NFATC2: variants seen among roughly 807,000 people sequenced by gnomAD.
NFATC2 encodes nuclear factor of activated T-cells, cytoplasmic 2.
A neutral mutation model predicts 87.3 loss-of-function variants in NFATC2; 22 were observed. The ratio of observed to expected loss-of-function variants is 0.25; its 90% CI spans 0.18 to 0.36. The LOEUF (loss-of-function observed/expected upper bound fraction) is 0.36, where lower values mean the gene tolerates loss of function less well. Among genes scored for constraint, NFATC2 ranks in the 10% least tolerant of loss-of-function variants. NFATC2 has a pLI of 1.00. For synonymous variants in NFATC2, 565 were observed against 542.2 expected, an observed-to-expected ratio of 1.04 and a Z score of -0.58; for missense variants, 1,149 against 1,259.1, an observed-to-expected ratio of 0.91 and a Z score of 1.32.
chr20:51,398,869 C>CTGCAACATCTTAGCATT, intron 9 of NFATC2, 139 bp from the exon 10 acceptor site: 1 of 642,516 alleles, frequency 1.6e-6, no homozygotes, highest in South Asian at 1.8e-5. Context: ...AGCCAGAATT[C>CTGCAACATCTTAGCATT]TGCAACATCT....
At chr20:51,558,062 C>T (rs748124954) in intron 1 of NFATC2, among the ~76,000 whole-genome samples, 7 of 152,130 alleles carry the variant, frequency 4.6e-5, no homozygotes, top group Non-Finnish European at 1.0e-4. Context: ...GGAACCTGGC[C>T]GGCCATGGTA....
At chr20:51,543,975 A>ATTTATTTTT (rs774804203), upstream of NFATC2, among the ~76,000 whole-genome samples, 3 of 72,978 alleles carry the variant, frequency 4.1e-5, no homozygotes, top group Admixed American at 2.0e-4. Flanking sequence ...AGAATTCCTA[A>ATTTATTTTT]TTTTTTTTTT....
At chr20:51,431,394 C>G (rs1305108779) in intron 9 of NFATC2, among the ~76,000 whole-genome samples, 1 of 152,170 alleles carries the variant, frequency 6.6e-6, no homozygotes, top group Non-Finnish European at 1.5e-5. Flanking sequence ...GGGCAGACCC[C>G]TTGCCCACAA....
chr20:51,514,002 T>C (rs1233096160), intron 3 of NFATC2, among the ~76,000 whole-genome samples: 3 of 152,256 alleles, frequency 2.0e-5, no homozygotes, highest in African/African-American at 7.2e-5. Flanking sequence ...AGCCATAACC[T>C]TGAACAAGTC....
intron 9 of NFATC2, among the ~76,000 whole-genome samples, chr20:51,428,600 G>T (rs117215398): frequency 1.3e-5 from 2 of 152,152 alleles, no homozygotes; most frequent in Non-Finnish European, 2.9e-5. Flanking sequence ...CAGACGCGAC[G>T]CTGGGATCAC....
intron 1 of NFATC2, among the ~76,000 whole-genome samples, chr20:51,551,637 T>C (rs1415891576): frequency 4.0e-5 from 6 of 151,382 alleles, no homozygotes; most frequent in Admixed American, 2.6e-4. Flanking sequence ...CTCGAACTCC[T>C]GGGCTCAAGC....
rs916800941 is a variant in NFATC2, at chr20:51,437,626, T to C, written c.1850-1865A>G. On this transcript the variant is annotated intron_variant, in intron 6 of 10. Transcript: ENST00000371564. The stretch of plus-strand genomic sequence containing the variant: ...AGTATTGTGATTGCTCTCTAGATGA[T>C]CTTAACAAGGAACACGCAATGAACA... Among the ~76,000 whole-genome samples, 6 of 152,140 alleles carry C rather than the reference T, an allele frequency of 3.9e-5. No homozygotes were observed. In the South Asian group the frequency reaches 1.2e-3, roughly 32 times the overall value.
At chr20:51,394,600 C>T (rs77942466) in intron 10 of NFATC2, among the ~76,000 whole-genome samples, 2 of 151,952 alleles carry the variant, frequency 1.3e-5, no homozygotes, top group African/African-American at 4.9e-5. Flanking sequence ...TCCTTCCCCC[C>T]ATATCCCTTA....
chr20:51,465,499 C>A lies in NFATC2; in HGVS notation c.1708+8481G>T, dbSNP rs570001522. Among the ~76,000 whole-genome samples, 416 of 152,218 alleles carry A rather than the reference C, an allele frequency of 2.7e-3. 4 individuals carry two copies. The highest frequency in any genetic ancestry group is 9.7e-3 in the African/African-American group (404 of 41,542). On this transcript the variant is annotated intron_variant, in intron 5 of 10. Coordinates refer to ENST00000371564, the MANE Select transcript of NFATC2 (RefSeq NM_012340.5). Reference sequence around the variant, plus strand: ...CTTGGGCTCAGACCTCACCTCCGACCCCTCACCCCACCTATAACACTCCAC... The same window carrying A: ...CTTGGGCTCAGACCTCACCTCCGACACCTCACCCCACCTATAACACTCCAC...
chr20:51,488,329 G>A (rs2075819503), intron 3 of NFATC2, among the ~76,000 whole-genome samples: 1 of 152,196 alleles, frequency 6.6e-6, no homozygotes, highest in Non-Finnish European at 1.5e-5. Flanking sequence ...TAAGAAACCA[G>A]TAAATCAGGA....
chr20:51,451,764 C>T (rs1216545666), intron 6 of NFATC2, among the ~76,000 whole-genome samples: 4 of 152,164 alleles, frequency 2.6e-5, no homozygotes, highest in East Asian at 1.9e-4. Context: ...ACTGCGCTTG[C>T]CAGGGATCTA....
chr20:51,526,173 CA>C lies in NFATC2; in HGVS notation c.131-2064del, dbSNP rs147930102. 1.2e-4 allele frequency among the ~76,000 whole-genome samples: 18 copies of C among 152,246 alleles called. No homozygotes were observed. In the East Asian group the frequency reaches 3.3e-3, roughly 28 times the overall value. ...TCTTTTCTCCACTGACGCCTGCTAA[CA>C]GCTCCCGTCGCACCAGGTATCTGTT... On this transcript the variant is annotated intron_variant, in intron 1 of 10. Transcript: ENST00000371564.
chr20:51,507,790 C>T (rs751704533), intron 3 of NFATC2, among the ~76,000 whole-genome samples: 16 of 152,236 alleles, frequency 1.1e-4, no homozygotes, highest in South Asian at 2.1e-4. Context: ...CAGCATCGCG[C>T]GCTGGCTGGG....
In NFATC2 at chr20:51,480,838, G is replaced by A. The variant is rs112676847; in HGVS notation, c.1333-5178C>T. The stretch of plus-strand genomic sequence containing the variant: ...TGAAACGAGAACTTTCCTTGTCATC[G>A]GAGGATGACGCAAATCGAAACAGGG... On this transcript the variant is annotated intron_variant, in intron 3 of 10. Coordinates refer to ENST00000371564, the MANE Select transcript of NFATC2 (RefSeq NM_012340.5). This position sits in a 1 kb window ranked among gnomAD's most constrained non-coding sequence, Gnocchi z 4.2. 8.8e-3 allele frequency among the ~76,000 whole-genome samples: 1,341 copies of A among 152,258 alleles called. 23 individuals are homozygous for A. The highest frequency in any genetic ancestry group is 0.03 in the African/African-American group (1,266 of 41,530).
At chr20:51,482,715 A>T (rs954632687) in intron 3 of NFATC2, among the ~76,000 whole-genome samples, 2 of 152,204 alleles carry the variant, frequency 1.3e-5, no homozygotes, top group African/African-American at 4.8e-5. Flanking sequence ...ATAGACAATG[A>T]TTATTTACTA....
chr20:51,426,498 C>CAAAT (rs3029271), intron 9 of NFATC2, among the ~76,000 whole-genome samples: 137,737 of 151,584 alleles, frequency 0.91, 62,755 homozygotes, highest in African/African-American at 0.97. Context: ...AAATCATAAA[C>CAAAT]AAAACAGCAG....
At chr20:51,391,480 G>T (rs1170358436) in intron 10 of NFATC2, 29 bp from the exon 11 acceptor site, 1 of 1,508,006 alleles carries the variant, frequency 6.6e-7, no homozygotes, top group Non-Finnish European at 9.1e-7. Flanking sequence ...GGGGGGGGGA[G>T]AGAGAATGGG....
At position 51,398,569 on chromosome 20, in the gene NFATC2, TTA is replaced by T. The variant is rs1351454483; in HGVS notation, c.*44+72_*44+73del. On this transcript the variant is annotated intron_variant, in intron 10 of 10. Transcript: ENST00000371564. ...CCTGTCAAGTTTTCTTATACTTTACTTAAAAAAAAAAAAATTCAAGTTAAGGA... is the reference window on the plus strand; with the variant it reads ...CCTGTCAAGTTTTCTTATACTTTACTAAAAAAAAAAAATTCAAGTTAAGGA... 1.0e-5 allele frequency: 9 copies of T among 885,610 alleles called. No homozygotes were observed. The East Asian group carries it at 1.3e-4, about 13-fold the overall frequency. 54.9% of individuals were successfully genotyped at this position (885,610 alleles called of 1,614,324 possible). A position where few individuals can be genotyped will look rare whatever the true frequency, so the allele number is the denominator to read the frequency against.
chr20:51,465,233 A>C (rs1263405269), intron 5 of NFATC2, among the ~76,000 whole-genome samples: 2 of 152,032 alleles, frequency 1.3e-5, no homozygotes, highest in Non-Finnish European at 2.9e-5. Context: ...ACTAAAAATA[A>C]AAAAATTAGC....
Sources: allele counts gnomAD v4.1 joint callset (sites outside exome capture counted in the v4.1 genomes callset), GRCh38; gene constraint gnomAD v4.1.1; non-coding constraint Gnocchi (gnomAD v3.1); transcripts MANE v1.5; gene names NCBI Gene and HGNC (gene_info 2026-07-23, HGNC 2026-07-21).